The following CAPN14 variants were observed in gnomAD, a reference collection of about 807,000 sequenced individuals.
CAPN14 encodes calpain-14.
CAPN14 carries 94 observed loss-of-function variants against 101.3 expected under a neutral mutation model. That is an observed-to-expected ratio of 0.93 (90% confidence interval 0.79 to 1.10). CAPN14 has a LOEUF of 1.10. Among genes scored for constraint, CAPN14 ranks in the 50% least tolerant of loss-of-function variants. The pLI is 0.00. For synonymous variants in CAPN14, 338 were observed against 317.9 expected, an observed-to-expected ratio of 1.06 and a Z score of -0.67; for missense variants, 837 against 828.4, an observed-to-expected ratio of 1.01 and a Z score of -0.13.
chr2:31,177,617 G>T, intron 19 of CAPN14, 129 bp downstream of exon 19: 1 of 690,794 alleles, frequency 1.4e-6, no homozygotes, highest in Non-Finnish European at 2.6e-6. Context: ...GTTGACTGCA[G>T]ATCTACGTCT....
At position 31,174,670 on chromosome 2, in the gene CAPN14, A is replaced by G. The variant is rs1455640751; in HGVS notation, c.*11T>C. The G allele has an allele frequency of 6.4e-7, 1 of 1,551,468 alleles. No homozygotes were observed. The highest frequency in any genetic ancestry group is 8.7e-7 in the Non-Finnish European group (1 of 1,146,932). ...AGAGTCTTCAGTGAGGGCAGGTGAGACTCAGCCTTCTCAGGAGTACAGTGC... is the reference window on the plus strand; with the variant it reads ...AGAGTCTTCAGTGAGGGCAGGTGAGGCTCAGCCTTCTCAGGAGTACAGTGC... On this transcript the variant is annotated 3_prime_UTR_variant, in exon 22 of 22. Coordinates refer to ENST00000403897, the MANE Select transcript of CAPN14 (RefSeq NM_001145122.2).
At position 31,205,349 on chromosome 2, in the gene CAPN14, C is replaced by A; in HGVS notation, c.99G>T (p.Leu33=). The A allele has an allele frequency of 6.4e-7, 1 of 1,551,402 alleles. No homozygotes were observed. Among genetic ancestry groups the A allele is most frequent in the East Asian group, 2.4e-5 (1 of 40,888 alleles). The change falls in exon 2 of 22, where the codon CTG becomes CTT. Residue 33 remains leucine, a synonymous_variant. Transcript: ENST00000403897. The stretch of plus-strand genomic sequence containing the variant: ...AGCCATTCCTCAGGCACTCTGCCAG[C>A]AGGGCCTCAAAGTCCTGTTGGGGTT... ...PQQPQQDFEA[L]LAECLRNGCL...
chr2:31,192,966 T>A (rs1263992609), intron 10 of CAPN14, among the ~76,000 whole-genome samples, 165 bp downstream of exon 10: 1 of 152,054 alleles, frequency 6.6e-6, no homozygotes, highest in African/African-American at 2.4e-5. Context: ...AGGTACCCCA[T>A]CTTCCCTGTG....
chr2:31,177,522 G>C (rs955879565), intron 19 of CAPN14, among the ~76,000 whole-genome samples: 6 of 152,326 alleles, frequency 3.9e-5, no homozygotes, highest in Non-Finnish European at 7.3e-5. Flanking sequence ...ACAAGGTGGT[G>C]TTGAAGATTA....
At chr2:31,178,378 CGAAG>C in intron 18 of CAPN14, 129 bp downstream of exon 18, 1 of 698,434 alleles carries the variant, frequency 1.4e-6, no homozygotes, top group Non-Finnish European at 2.5e-6. Context: ...AAATGCTCAC[CGAAG>C]GGAGAATAGA....
intron 2 of CAPN14, 45 bp from the exon 3 acceptor site, chr2:31,203,184 A>G (rs1483438220): frequency 9.4e-6 from 14 of 1,494,216 alleles, no homozygotes; most frequent in Middle Eastern, 1.7e-4. Flanking sequence ...AGAACAAAAA[A>G]GCTCCTGGAG....
intron 1 of CAPN14, among the ~76,000 whole-genome samples, chr2:31,232,942 T>A (rs965191545): frequency 6.6e-6 from 1 of 152,190 alleles, no homozygotes; most frequent in African/African-American, 2.4e-5. Flanking sequence ...GAGTGTTTTA[T>A]CACTACACTG....
At position 31,189,425 on chromosome 2, in the gene CAPN14, A is replaced by G. The variant is rs1465894817; in HGVS notation, c.1341T>C (p.Pro447=). 2 of 1,551,576 alleles carry G rather than the reference A, an allele frequency of 1.3e-6. No homozygotes were observed. The highest frequency in any genetic ancestry group is 1.7e-6 in the Non-Finnish European group (2 of 1,147,004). The change falls in exon 13 of 22, where the codon CCT becomes CCC. Residue 447 remains proline (P), a synonymous_variant. Transcript: ENST00000403897. ...LPPEFFQRNT[P]LSQPDRFLKE... The stretch of plus-strand genomic sequence containing the variant: ...TGAGAAACCTATCAGGCTGGCTCAG[A>G]GGAGTGTTTCTCTGGAAGAACTCAG...
At chr2:31,192,534 T>C (rs1403247553) in intron 10 of CAPN14, among the ~76,000 whole-genome samples, 2 of 152,144 alleles carry the variant, frequency 1.3e-5, no homozygotes, top group Admixed American at 6.5e-5. Flanking sequence ...GCTAAGGCCA[T>C]CCTGGCCTGC....
intron 12 of CAPN14, 165 bp from the exon 13 acceptor site, chr2:31,189,643 G>C: frequency 1.4e-6 from 1 of 702,420 alleles, no homozygotes; most frequent in Non-Finnish European, 2.6e-6. Context: ...GGAAAAACCA[G>C]AATATGTGTG....
At chr2:31,183,391 G>C (rs1680746127) in intron 16 of CAPN14, among the ~76,000 whole-genome samples, 2 of 152,158 alleles carry the variant, frequency 1.3e-5, no homozygotes, top group South Asian at 4.1e-4. Context: ...CCATCAGAGT[G>C]AACAGGCAAC....
chr2:31,199,552 C>A lies in CAPN14; in HGVS notation c.727-20G>T. On this transcript the variant is annotated intron_variant, in intron 6 of 21. Coordinates refer to ENST00000403897, the MANE Select transcript of CAPN14 (RefSeq NM_001145122.2). Reference sequence around the variant, plus strand: ...CTTCTCCTGCAGAGACAAGAGAGGTCCTGATCAGTCTTCTGTTATGTACAG... The same window carrying A: ...CTTCTCCTGCAGAGACAAGAGAGGTACTGATCAGTCTTCTGTTATGTACAG... 6.5e-7 allele frequency: 1 copy of A among 1,546,568 alleles called. No individual in the cohort carries two copies. The highest frequency in any genetic ancestry group is 8.8e-7 in the Non-Finnish European group (1 of 1,142,838).
intron 1 of CAPN14, among the ~76,000 whole-genome samples, chr2:31,215,838 T>C (rs1404677813): frequency 1.1e-5 from 1 of 94,834 alleles, no homozygotes; most frequent in Non-Finnish European, 2.0e-5. Context: ...ATTAGAAACA[T>C]CTTAAAAAAG....
intron 19 of CAPN14, 94 bp from the exon 20 acceptor site, chr2:31,177,236 G>A: frequency 1.3e-6 from 1 of 749,506 alleles, no homozygotes; most frequent in South Asian, 1.8e-5. Flanking sequence ...TCCAGTTTAG[G>A]GACCTGAATC....
intron 7 of CAPN14, among the ~76,000 whole-genome samples, chr2:31,198,790 T>C (rs1572414637): frequency 6.6e-6 from 1 of 152,158 alleles, no homozygotes; most frequent in Admixed American, 6.5e-5. Flanking sequence ...ATGCTTTGCT[T>C]ACACTGCTCC....
upstream of CAPN14, chr2:31,217,661 G>A (rs1356984586): frequency 1.3e-5 from 2 of 152,240 alleles, no homozygotes; most frequent in Admixed American, 6.6e-5. Flanking sequence ...AGGGCTTTGC[G>A]ACTGGATTAC....
intron 16 of CAPN14, among the ~76,000 whole-genome samples, chr2:31,182,832 C>A (rs1250335754): frequency 1.3e-5 from 2 of 151,836 alleles, no homozygotes; most frequent in Admixed American, 6.6e-5. Flanking sequence ...TTGGAAAAAA[C>A]TACTTTAAAG....
At position 31,204,918 on chromosome 2, in the gene CAPN14, T is replaced by C. The variant is rs144579132; in HGVS notation, c.225+305A>G. Among the ~76,000 whole-genome samples the C allele has an allele frequency of 5.3e-5, 8 of 152,278 alleles. No homozygotes were observed. The East Asian group carries it at 1.5e-3, about 29-fold the overall frequency. ...ACAGGTCACAACCTGGGACTTGTGATTGCCATCTGAAGTAGGGGCAGTTTT... is the reference window on the plus strand; with the variant it reads ...ACAGGTCACAACCTGGGACTTGTGACTGCCATCTGAAGTAGGGGCAGTTTT... On this transcript the variant is annotated intron_variant, in intron 2 of 21. Coordinates refer to ENST00000403897, the MANE Select transcript of CAPN14 (RefSeq NM_001145122.2).
At position 31,187,825 on chromosome 2, in the gene CAPN14, A is replaced by G; in HGVS notation, c.1531-11T>C. 2 of 1,547,104 alleles carry G rather than the reference A, an allele frequency of 1.3e-6. No homozygotes were observed. Among genetic ancestry groups the G allele is most frequent in the Non-Finnish European group, 1.7e-6 (2 of 1,142,856 alleles). On this transcript the variant is annotated splice_polypyrimidine_tract_variant and intron_variant, in intron 14 of 21. Transcript: ENST00000403897. ...TTGGTCTTCTATCTCCTATAGGAAG[A>G]GACACACAGAAAGACACAATTATTC...
Sources: gnomAD v4.1 joint callset for allele counts (sites outside exome capture counted in the v4.1 genomes callset) on GRCh38, gnomAD v4.1.1 for gene constraint, MANE v1.5 for transcripts, NCBI Gene and HGNC (gene_info 2026-07-23, HGNC 2026-07-21) for gene names.